CHRM3: variants seen among roughly 807,000 people sequenced by gnomAD.
CHRM3 encodes the protein muscarinic acetylcholine receptor M3.
A neutral mutation model predicts 41.8 loss-of-function variants in CHRM3; 11 were observed. The observed-to-expected ratio is 0.26, with a 90% confidence interval of 0.17 to 0.44. The LOEUF (loss-of-function observed/expected upper bound fraction) is 0.44. CHRM3 is among the 20% of genes least tolerant of loss of function. The probability of loss-of-function intolerance (pLI) is 1.00; values close to 1 mark genes in which losing one functional copy is unlikely to be tolerated. For synonymous variants in CHRM3, 297 were observed against 301.4 expected (o/e 0.99, Z 0.15); for missense variants, 571 against 745.4 (o/e 0.77, Z 2.72).
At chr1:239,903,241 G>A (rs552207288) in intron 6 of CHRM3, among the ~76,000 whole-genome samples, 9 of 152,210 alleles carry the variant, frequency 5.9e-5, no homozygotes, top group East Asian at 5.8e-4. Context: ...GGCTAATTTC[G>A]AAAATTTTTA....
At chr1:239,806,003 T>C (rs1056627770) in intron 5 of CHRM3, among the ~76,000 whole-genome samples, 3 of 152,188 alleles carry the variant, frequency 2.0e-5, no homozygotes, top group African/African-American at 7.2e-5. Flanking sequence ...AGCTTGATTC[T>C]GCATTTTGAA....
intron 4 of CHRM3, among the ~76,000 whole-genome samples, chr1:239,651,913 T>C (rs967978672): frequency 2.6e-5 from 4 of 151,632 alleles, no homozygotes; most frequent in Non-Finnish European, 5.9e-5. Context: ...ACAAATTCCT[T>C]CACTGATACT....
At chr1:239,692,751 A>G (rs568821804) in intron 5 of CHRM3, among the ~76,000 whole-genome samples, 3 of 152,198 alleles carry the variant, frequency 2.0e-5, no homozygotes, top group African/African-American at 7.2e-5. Flanking sequence ...AAGGAAAAAA[A>G]CAGACAGCAA....
intron 1 of CHRM3, among the ~76,000 whole-genome samples, chr1:239,475,409 A>G (rs1015232841): frequency 6.6e-6 from 1 of 152,144 alleles, no homozygotes; most frequent in African/African-American, 2.4e-5. Flanking sequence ...CCCCAGTCTA[A>G]TAATCAGAAA....
chr1:239,637,585 C>A (rs1185056604), intron 4 of CHRM3, among the ~76,000 whole-genome samples: 3 of 122,680 alleles, frequency 2.4e-5, no homozygotes, highest in African/African-American at 6.1e-5. Flanking sequence ...TTTGTTATTA[C>A]CAAGAGTAGT....
intron 1 of CHRM3, among the ~76,000 whole-genome samples, chr1:239,427,480 C>A (rs983088902): frequency 6.6e-6 from 1 of 152,060 alleles, no homozygotes; most frequent in African/African-American, 2.4e-5. Context: ...CAACCCAGAG[C>A]CTAGCAGGGA....
chr1:239,835,570 G>A (rs895299944), intron 6 of CHRM3, among the ~76,000 whole-genome samples: 3 of 152,104 alleles, frequency 2.0e-5, no homozygotes, highest in Admixed American at 2.0e-4. Flanking sequence ...GATAAGGCTT[G>A]GTTTTCGACC....
chr1:239,769,804 C>A (rs938402379), intron 5 of CHRM3, among the ~76,000 whole-genome samples: 14 of 151,954 alleles, frequency 9.2e-5, no homozygotes, highest in African/African-American at 2.9e-4. Flanking sequence ...TTGCTTGAGC[C>A]CAGGAGGCAG....
intron 4 of CHRM3, among the ~76,000 whole-genome samples, chr1:239,666,821 C>G (rs1189049763): frequency 6.6e-6 from 1 of 152,142 alleles, no homozygotes; most frequent in African/African-American, 2.4e-5. Context: ...CAACATTTCC[C>G]CCTCCTCCCA....
At chr1:239,752,881 G>C (rs778328030) in intron 5 of CHRM3, among the ~76,000 whole-genome samples, 2 of 152,058 alleles carry the variant, frequency 1.3e-5, no homozygotes, top group Non-Finnish European at 2.9e-5. Flanking sequence ...AAGAATTAGG[G>C]TCAGGGTTTA....
chr1:239,544,219 C>T (rs187949017), intron 2 of CHRM3, among the ~76,000 whole-genome samples: 3 of 152,224 alleles, frequency 2.0e-5, no homozygotes, highest in Non-Finnish European at 4.4e-5. Context: ...AGCAGCTTTT[C>T]CTAGCTCCTA....
chr1:239,491,129 G>A (rs1031761659), intron 1 of CHRM3, among the ~76,000 whole-genome samples: 2 of 152,124 alleles, frequency 1.3e-5, no homozygotes, highest in African/African-American at 4.8e-5. Context: ...AATGTGTAAT[G>A]CCCACATCCA....
intron 6 of CHRM3, among the ~76,000 whole-genome samples, chr1:239,884,121 C>T (rs1319521285): frequency 1.3e-5 from 2 of 152,274 alleles, no homozygotes; most frequent in Non-Finnish European, 1.5e-5. Context: ...CAAAAAGATA[C>T]GACCACATTC....
At chr1:239,413,176 G>A (rs773250684) in intron 1 of CHRM3, among the ~76,000 whole-genome samples, 2 of 152,064 alleles carry the variant, frequency 1.3e-5, no homozygotes, top group Non-Finnish European at 2.9e-5. Flanking sequence ...AGCCTTACTG[G>A]TTTCCACTGC....
rs184027089 is a variant in CHRM3 at position 239,544,117 on chromosome 1, T to C, written c.-421-1524T>C. The stretch of plus-strand genomic sequence containing the variant: ...TTTGCCCACTCCTGCTCTGGAAAGA[T>C]TGCTGTGATGCTGCTTTTTCTGCAG... On this transcript the variant is annotated intron_variant, in intron 2 of 6. Coordinates refer to ENST00000676153, the MANE Select transcript of CHRM3 (RefSeq NM_001375978.1). Among the ~76,000 whole-genome samples the C allele has an allele frequency of 4.7e-4, 71 of 152,328 alleles. 1 individual carries two copies. The highest frequency in any genetic ancestry group is 1.7e-3 in the African/African-American group (69 of 41,574).
intron 3 of CHRM3, among the ~76,000 whole-genome samples, chr1:239,620,044 AT>A (rs955658928): frequency 1.2e-4 from 19 of 152,286 alleles, no homozygotes; most frequent in African/African-American, 4.6e-4. Flanking sequence ...TGTTATAGAT[AT>A]TTTTTGAACT....
chr1:239,746,482 GAT>G (rs1441614068), intron 5 of CHRM3, among the ~76,000 whole-genome samples: 1 of 152,110 alleles, frequency 6.6e-6, no homozygotes, highest in Non-Finnish European at 1.5e-5. Context: ...CTTATGAGAA[GAT>G]ATACTTGATA....
At chr1:239,442,843 C>T (rs892027357) in intron 1 of CHRM3, among the ~76,000 whole-genome samples, 4 of 152,256 alleles carry the variant, frequency 2.6e-5, no homozygotes, top group Non-Finnish European at 5.9e-5. Context: ...GTGAATTCTC[C>T]GTGTGGAGTG....
chr1:239,390,791 A>G (rs1658963369), intron 1 of CHRM3, among the ~76,000 whole-genome samples: 1 of 152,162 alleles, frequency 6.6e-6, no homozygotes, highest in Non-Finnish European at 1.5e-5. Flanking sequence ...TAGCAGTTGC[A>G]TGCCCCAGAC....
Sources: gnomAD v4.1 joint callset for allele counts (sites outside exome capture counted in the v4.1 genomes callset) on GRCh38, gnomAD v4.1.1 for gene constraint, MANE v1.5 for transcripts, NCBI Gene and HGNC (gene_info 2026-07-23, HGNC 2026-07-21) for gene names.